The following KCNQ5 variants were observed in gnomAD, a reference collection of about 807,000 sequenced individuals.
KCNQ5 encodes the protein potassium voltage-gated channel subfamily KQT member 5.
A neutral mutation model predicts 98.2 loss-of-function variants in KCNQ5; 30 were observed. The observed-to-expected ratio is 0.31, with a 90% CI of 0.23 to 0.41. The LOEUF is 0.41. KCNQ5 is among the 10% of genes least tolerant of loss of function. The pLI is 1.00. For synonymous variants in KCNQ5, 458 were observed against 449.4 expected (o/e 1.02, Z -0.24); for missense variants, 835 against 1,182.5 (o/e 0.71, Z 4.31).
intron 8 of KCNQ5, among the ~76,000 whole-genome samples, chr6:73,121,815 G>A (rs1775763201): frequency 6.6e-6 from 1 of 152,150 alleles, no homozygotes; most frequent in Non-Finnish European, 1.5e-5. Flanking sequence ...TTCTGCCCTT[G>A]GCCTCAGTTT....
chr6:73,087,463 C>G (rs1467629528), intron 5 of KCNQ5, among the ~76,000 whole-genome samples: 1 of 151,962 alleles, frequency 6.6e-6, no homozygotes, highest in Admixed American at 6.6e-5. Flanking sequence ...TGTGTGACAT[C>G]TAAATGGAAC....
At chr6:73,100,189 C>T (rs560721104) in intron 5 of KCNQ5, among the ~76,000 whole-genome samples, 83 of 152,188 alleles carry the variant, frequency 5.5e-4, no homozygotes, top group Non-Finnish European at 3.4e-4. Context: ...TGGGATACAG[C>T]AAAAGGAGTA....
At chr6:73,171,023 A>G (rs1489868594) in intron 11 of KCNQ5, among the ~76,000 whole-genome samples, 1 of 152,212 alleles carries the variant, frequency 6.6e-6, no homozygotes, top group Non-Finnish European at 1.5e-5. Context: ...ATGATTGATT[A>G]CTTACTTCTG....
intron 3 of KCNQ5, among the ~76,000 whole-genome samples, chr6:73,051,194 G>A (rs1772218025): frequency 6.6e-6 from 1 of 152,008 alleles, no homozygotes; most frequent in Admixed American, 6.5e-5. Flanking sequence ...CCCACCCCCT[G>A]CCCCACGCTG....
In KCNQ5 at chr6:72,698,203, C is replaced by CT. The variant is rs1033633703; in HGVS notation, c.398+75626dup. Among the ~76,000 whole-genome samples, 25 of 150,018 alleles carry CT rather than the reference C, an allele frequency of 1.7e-4. No homozygotes were observed. The East Asian group carries it at 2.0e-3, about 12-fold the overall frequency. ...ACCAGTAAAAATGAATGTATTTAGA[C>CT]TTTTTTTTTTCTTTTTGAGACAGAG... is the stretch of plus-strand genomic sequence containing the variant. On this transcript the variant is annotated intron_variant, in intron 1 of 13. Coordinates refer to ENST00000370398, the MANE Select transcript of KCNQ5 (RefSeq NM_019842.4).
chr6:73,056,294 C>A (rs1772486820), intron 3 of KCNQ5, among the ~76,000 whole-genome samples: 1 of 152,074 alleles, frequency 6.6e-6, no homozygotes, highest in South Asian at 2.1e-4. Context: ...ATGAATGTAA[C>A]CTGCATGGTG....
intron 1 of KCNQ5, among the ~76,000 whole-genome samples, chr6:72,952,573 C>G (rs1013886681): frequency 6.6e-6 from 1 of 152,134 alleles, no homozygotes; most frequent in Non-Finnish European, 1.5e-5. Flanking sequence ...ATCAGAAACT[C>G]TATAAAATAT....
chr6:72,771,676 GTGT>G (rs1772896509), intron 1 of KCNQ5, among the ~76,000 whole-genome samples: 1 of 151,834 alleles, frequency 6.6e-6, no homozygotes, highest in South Asian at 2.1e-4. Flanking sequence ...GTGTGTGTGT[GTGT>G]GTGTGTATAA....
chr6:73,010,747 T>C (rs181141621), intron 2 of KCNQ5, among the ~76,000 whole-genome samples: 29 of 151,772 alleles, frequency 1.9e-4, no homozygotes, highest in African/African-American at 6.8e-4. Flanking sequence ...ATGAAGAATT[T>C]AGAAAGGAAA....
At position 72,963,113 on chromosome 6, in the gene KCNQ5, G is replaced by C. The variant is rs147399041; in HGVS notation, c.399-40795G>C. 9.2e-5 allele frequency among the ~76,000 whole-genome samples: 14 copies of C among 152,278 alleles called. 1 individual carries two copies. In the East Asian group the frequency reaches 2.7e-3, roughly 29 times the overall value. On this transcript the variant is annotated intron_variant, in intron 1 of 13. Coordinates refer to ENST00000370398, the MANE Select transcript of KCNQ5 (RefSeq NM_019842.4). ...ACAAAAGAAAAAACATTCTGCAGTTGGTTGAGTTTATGTGACAAGTATTTT... is the reference window on the plus strand; with the variant it reads ...ACAAAAGAAAAAACATTCTGCAGTTCGTTGAGTTTATGTGACAAGTATTTT...
intron 1 of KCNQ5, among the ~76,000 whole-genome samples, chr6:72,956,756 CA>C (rs1490353126): frequency 6.6e-6 from 1 of 151,650 alleles, no homozygotes; most frequent in Non-Finnish European, 1.5e-5. Flanking sequence ...ATGTATTCAA[CA>C]GATTAAAACT....
At chr6:72,994,950 G>C (rs1041235649) in intron 1 of KCNQ5, among the ~76,000 whole-genome samples, 16 of 152,114 alleles carry the variant, frequency 1.1e-4, no homozygotes, top group African/African-American at 3.9e-4. Flanking sequence ...CAAATGACCA[G>C]AGAGAGAAAA....
chr6:73,083,805 A>G (rs1773874262), intron 5 of KCNQ5, among the ~76,000 whole-genome samples: 1 of 152,236 alleles, frequency 6.6e-6, no homozygotes, highest in Non-Finnish European at 1.5e-5. Context: ...AGGCTGTCTC[A>G]TAAGAACATT....
intron 1 of KCNQ5, among the ~76,000 whole-genome samples, chr6:72,748,770 A>T (rs963445815): frequency 3.9e-5 from 6 of 152,170 alleles, no homozygotes; most frequent in Non-Finnish European, 8.8e-5. Context: ...TTGGTGCTGT[A>T]CCAGGCAAAC....
At chr6:72,962,280 T>C (rs1038744937) in intron 1 of KCNQ5, among the ~76,000 whole-genome samples, 1 of 147,074 alleles carries the variant, frequency 6.8e-6, no homozygotes, top group African/African-American at 2.5e-5. Flanking sequence ...TATATATATA[T>C]ATGGGAGCTA....
rs184005902 is a variant in KCNQ5, at chr6:73,105,513, T to C, written c.1029+146T>C. On this transcript the variant is annotated intron_variant, in intron 6 of 13. Coordinates refer to ENST00000370398, the MANE Select transcript of KCNQ5 (RefSeq NM_019842.4). The stretch of plus-strand genomic sequence containing the variant: ...GATATAATGTTGACTTTTCTAAATA[T>C]ATCTACTTGGATAATTTATAAAATA... 6.5e-5 allele frequency: 29 copies of C among 444,148 alleles called. No individual in the cohort carries two copies. In the East Asian group the frequency reaches 9.4e-4, roughly 14 times the overall value. 27.5% of individuals were successfully genotyped at this position (444,148 alleles called of 1,614,324 possible).
At chr6:72,919,843 A>G (rs6929347) in intron 1 of KCNQ5, among the ~76,000 whole-genome samples, 94,939 of 151,850 alleles carry the variant, frequency 0.63, 30,219 homozygotes, top group East Asian at 0.79. Flanking sequence ...AGATGGATGT[A>G]TTCTTCAAGA....
At chr6:72,770,349 A>T (rs1422944367) in intron 1 of KCNQ5, among the ~76,000 whole-genome samples, 1 of 152,142 alleles carries the variant, frequency 6.6e-6, no homozygotes, top group Non-Finnish European at 1.5e-5. Flanking sequence ...TGTGTTAAAG[A>T]TGATAAAGCA....
intron 1 of KCNQ5, among the ~76,000 whole-genome samples, chr6:72,673,917 A>G (rs761676116): frequency 3.9e-5 from 6 of 152,192 alleles, no homozygotes; most frequent in Non-Finnish European, 8.8e-5. Flanking sequence ...AATGTTCTCA[A>G]ACTAGAAGTT....
Sources: allele counts gnomAD v4.1 joint callset (sites outside exome capture counted in the v4.1 genomes callset), GRCh38; gene constraint gnomAD v4.1.1; transcripts MANE v1.5; gene names NCBI Gene and HGNC (gene_info 2026-07-23, HGNC 2026-07-21).